The following TTLL5 variants were observed in gnomAD, a reference collection of about 807,000 sequenced individuals.
TTLL5 encodes tubulin tyrosine ligase like 5.
A neutral mutation model predicts 168.4 loss-of-function variants in TTLL5; 132 were observed. That is an observed-to-expected ratio of 0.78 (90% CI 0.68 to 0.91). The LOEUF is 0.91. Ranked by LOEUF, TTLL5 falls within the 40% of genes least tolerant of loss-of-function variation. TTLL5 has a pLI of 0.00. For synonymous variants in TTLL5, 546 were observed against 558.6 expected (o/e 0.98, Z 0.32); for missense variants, 1,545 against 1,581.5 (o/e 0.98, Z 0.39).
chr14:75,800,765 T>TGCTGGGCTCTGG (rs1179333700), intron 27 of TTLL5, among the ~76,000 whole-genome samples: 12 of 152,154 alleles, frequency 7.9e-5, no homozygotes, highest in African/African-American at 2.9e-4. Flanking sequence ...CCAGCAGAGC[T>TGCTGGGCTCTGG]GCTGGGCTCT....
intron 22 of TTLL5, 139 bp downstream of exon 22, chr14:75,775,769 A>AG: frequency 9.0e-7 from 1 of 1,105,934 alleles, no homozygotes; most frequent in Non-Finnish European, 1.2e-6. Flanking sequence ...TATTACTGTT[A>AG]GGGGAAGCAG....
At chr14:75,662,982 C>G in intron 1 of TTLL5, 73 bp from the exon 2 acceptor site, 1 of 702,256 alleles carries the variant, frequency 1.4e-6, no homozygotes, top group Non-Finnish European at 2.6e-6. Context: ...CTTAGATTAT[C>G]AGCAATAACC....
Position 75,782,542 on chromosome 14 carries a change from G to C in TTLL5, c.2571G>C (p.Gln857His). 6.2e-7 allele frequency: 1 copy of C among 1,613,972 alleles called. No individual in the cohort carries two copies. Among genetic ancestry groups the C allele is most frequent in the Non-Finnish European group, 8.5e-7 (1 of 1,179,948 alleles). The stretch of plus-strand genomic sequence containing the variant: ...AAATAAAGCCACCTAAACAGCAACA[G>C]ACGACAGAAATTCATTCTGATAAAT... ...EVKIKPPKQQ[Q>H]TTEIHSDKLS... The change falls in exon 25 of 32, where the codon CAG becomes CAC. Residue 857 changes from glutamine to histidine, a missense_variant. Physicochemically the swap from Gln to His is conservative, Grantham distance 24. Coordinates refer to ENST00000298832, the MANE Select transcript of TTLL5 (RefSeq NM_015072.5).
intron 26 of TTLL5, among the ~76,000 whole-genome samples, chr14:75,783,993 AT>A (rs1305297037): frequency 6.6e-6 from 1 of 152,196 alleles, no homozygotes; most frequent in East Asian, 1.9e-4. Context: ...TTTGTCCTCC[AT>A]TTTTTAATAA....
At chr14:75,671,278 A>G (rs1321247915) in intron 3 of TTLL5, among the ~76,000 whole-genome samples, 1 of 152,228 alleles carries the variant, frequency 6.6e-6, no homozygotes, top group Non-Finnish European at 1.5e-5. Flanking sequence ...TCCTTATGGT[A>G]GTAACATACT....
At chr14:75,671,880 CT>C (rs1883780820) in intron 3 of TTLL5, among the ~76,000 whole-genome samples, 2 of 152,112 alleles carry the variant, frequency 1.3e-5, no homozygotes, top group African/African-American at 4.8e-5. Context: ...TTTTTCTTCC[CT>C]AATTGTTCTG....
chr14:75,702,706 C>G (rs546591857), intron 7 of TTLL5, among the ~76,000 whole-genome samples: 5 of 152,104 alleles, frequency 3.3e-5, no homozygotes, highest in Non-Finnish European at 7.4e-5. Context: ...GAGTCTTTTT[C>G]TCCCTCCCAC....
At chr14:75,761,187 C>T (rs1311032734) in intron 18 of TTLL5, among the ~76,000 whole-genome samples, 1 of 152,136 alleles carries the variant, frequency 6.6e-6, no homozygotes, top group Non-Finnish European at 1.5e-5. Flanking sequence ...CGTTATACCA[C>T]TGAACATCTA....
intron 21 of TTLL5, among the ~76,000 whole-genome samples, chr14:75,774,908 C>T (rs539997863): frequency 3.3e-5 from 5 of 152,174 alleles, no homozygotes; most frequent in East Asian, 1.9e-4. Flanking sequence ...AGGCTGATCT[C>T]GAACTCTTGA....
At chr14:75,748,523 T>C (rs1281207233) in intron 17 of TTLL5, among the ~76,000 whole-genome samples, 5 of 152,238 alleles carry the variant, frequency 3.3e-5, no homozygotes, top group Non-Finnish European at 5.9e-5. Context: ...CTGCTGGGCA[T>C]GTATCTAGGA....
At chr14:75,894,494 A>G (rs2032557862) in intron 30 of TTLL5, among the ~76,000 whole-genome samples, 1 of 152,100 alleles carries the variant, frequency 6.6e-6, no homozygotes, top group Non-Finnish European at 1.5e-5. Context: ...CTGAGGTTGC[A>G]GTGAGCCGAG....
chr14:75,892,725 C>G (rs2032462368), intron 30 of TTLL5, among the ~76,000 whole-genome samples: 1 of 152,152 alleles, frequency 6.6e-6, no homozygotes, highest in South Asian at 2.1e-4. Flanking sequence ...AGTAGTAAAA[C>G]TGGCATGAAC....
At chr14:75,904,747 A>C (rs2033075676) in intron 31 of TTLL5, among the ~76,000 whole-genome samples, 1 of 152,096 alleles carries the variant, frequency 6.6e-6, no homozygotes, top group Non-Finnish European at 1.5e-5. Flanking sequence ...TAGGTAGTTT[A>C]TTACTTACTG....
intron 18 of TTLL5, among the ~76,000 whole-genome samples, chr14:75,763,996 G>A (rs1594992849): frequency 6.6e-6 from 1 of 152,060 alleles, no homozygotes; most frequent in Admixed American, 6.6e-5. Context: ...AGGAGGGTGG[G>A]TGCCTTGGCA....
chr14:75,708,745 C>G (rs370100596), intron 9 of TTLL5, among the ~76,000 whole-genome samples: 12 of 152,010 alleles, frequency 7.9e-5, no homozygotes, highest in East Asian at 1.9e-4. Context: ...TTTTGTAAAC[C>G]CTTTAAATTG....
chr14:75,906,129 A>G (rs2033137701), intron 31 of TTLL5, among the ~76,000 whole-genome samples: 1 of 152,198 alleles, frequency 6.6e-6, no homozygotes, highest in South Asian at 2.1e-4. Flanking sequence ...GAACATTACT[A>G]TATAGTAAAC....
intron 1 of TTLL5, among the ~76,000 whole-genome samples, chr14:75,662,014 C>T (rs558549385): frequency 6.6e-6 from 1 of 152,214 alleles, no homozygotes; most frequent in South Asian, 2.1e-4. Context: ...CCTATTTCTT[C>T]TTCTGACACA....
chr14:75,783,576 A>C (rs975252414), intron 26 of TTLL5, 46 bp downstream of exon 26: 1 of 1,577,458 alleles, frequency 6.3e-7, no homozygotes, highest in Admixed American at 1.8e-5. Context: ...GCTCCTCCCC[A>C]GCCCCAATAA....
intron 5 of TTLL5, among the ~76,000 whole-genome samples, chr14:75,685,320 G>A (rs576742059): frequency 1.3e-5 from 2 of 148,762 alleles, no homozygotes; most frequent in Non-Finnish European, 3.0e-5. Context: ...GGGCTTCAGT[G>A]AGCTATGATT....
Sources: gnomAD v4.1 joint callset for allele counts (sites outside exome capture counted in the v4.1 genomes callset) on GRCh38, gnomAD v4.1.1 for gene constraint, MANE v1.5 for transcripts, NCBI Gene and HGNC (gene_info 2026-07-23, HGNC 2026-07-21) for gene names.